Variants in ALG1L2 observed in about 807,000 individuals in gnomAD.
The protein encoded by ALG1L2 is ALG1 chitobiosyldiphosphodolichol beta-mannosyltransferase like 2.
In ALG1L2, 32 loss-of-function variants were observed where a neutral mutation model predicts 29.0. The observed-to-expected ratio is 1.10, with a 90% confidence interval of 0.83 to 1.48. ALG1L2 has a LOEUF of 1.48. Ranked by LOEUF, ALG1L2 falls within the 40% of genes most tolerant of loss-of-function variation. The probability of loss-of-function intolerance (pLI) is 0.00; values close to 1 mark genes in which losing one functional copy is unlikely to be tolerated. For synonymous variants in ALG1L2, 110 were observed against 109.5 expected, an observed-to-expected ratio of 1.00 and a Z score of -0.03; for missense variants, 318 against 274.1, an observed-to-expected ratio of 1.16 and a Z score of -1.13.
chr3:130,085,817 T>G (rs1476773189), intron 1 of ALG1L2, among the ~76,000 whole-genome samples: 1 of 148,872 alleles, frequency 6.7e-6, no homozygotes, highest in Non-Finnish European at 1.5e-5. Context: ...AACCTGAGGG[T>G]GGGGAACCTA....
intron 1 of ALG1L2, among the ~76,000 whole-genome samples, chr3:130,084,738 G>A (rs78823098): frequency 0.038 from 4,859 of 126,668 alleles, 858 homozygotes; most frequent in African/African-American, 0.12. Flanking sequence ...TCAGGGCCAG[G>A]CTCCCTCTGA....
At chr3:130,084,397 G>A (rs565469839) in intron 1 of ALG1L2, among the ~76,000 whole-genome samples, 28 of 148,832 alleles carry the variant, frequency 1.9e-4, no homozygotes, top group African/African-American at 6.8e-4. Flanking sequence ...GAGGAAAGGG[G>A]AGAGGGAAGG....
At chr3:130,087,772 T>G (rs189326734) in intron 1 of ALG1L2, among the ~76,000 whole-genome samples, 3 of 90,990 alleles carry the variant, frequency 3.3e-5, no homozygotes, top group Admixed American at 3.2e-4. Flanking sequence ...AATAATTAAA[T>G]GAATGAAAAA....
In ALG1L2 at chr3:130,097,096, G is replaced by C. The variant is rs1344619781; in HGVS notation, c.540-79G>C. On this transcript the variant is annotated intron_variant, in intron 6 of 7. Transcript: ENST00000425059. ...CCCAGCCTGGCTTGAGCGTGGGGTG[G>C]GTGGGAGCCCAGCTGGGCACCCCAG... is the stretch of plus-strand genomic sequence containing the variant. 5.7e-6 allele frequency: 9 copies of C among 1,579,994 alleles called. No homozygotes were observed. In the Middle Eastern group the frequency reaches 9.2e-4, roughly 161 times the overall value.
intron 7 of ALG1L2, 68 bp downstream of exon 7, chr3:130,097,318 G>C: frequency 6.3e-7 from 1 of 1,582,128 alleles, no homozygotes; most frequent in Non-Finnish European, 8.5e-7. Flanking sequence ...CATGCTCCCT[G>C]ATCCCTGTTT....
intron 1 of ALG1L2, among the ~76,000 whole-genome samples, chr3:130,087,596 A>G (rs1472187343): frequency 1.4e-5 from 2 of 140,272 alleles, no homozygotes; most frequent in South Asian, 2.3e-4. Context: ...AATACACAGG[A>G]ATATTTAGGG....
intron 7 of ALG1L2, 89 bp downstream of exon 7, chr3:130,097,339 G>C: frequency 6.5e-7 from 1 of 1,546,738 alleles, no homozygotes; most frequent in Non-Finnish European, 8.7e-7. Flanking sequence ...CACACAGCCA[G>C]GGTGGGACCA....
At chr3:130,092,965 G>A in intron 3 of ALG1L2, 136 bp from the exon 4 acceptor site, 3 of 852,956 alleles carry the variant, frequency 3.5e-6, no homozygotes, top group Non-Finnish European at 5.3e-6. Context: ...GGGAGGCAGA[G>A]GTTGCAGTGA....
chr3:130,097,799 GT>G (rs1409168933), intron 7 of ALG1L2, among the ~76,000 whole-genome samples: 1 of 152,216 alleles, frequency 6.6e-6, no homozygotes, highest in African/African-American at 2.4e-5. Context: ...GTGTGGCTTT[GT>G]TCCAATAAAG....
At chr3:130,092,857 C>T (rs1935047184) in intron 3 of ALG1L2, among the ~76,000 whole-genome samples, 1 of 152,068 alleles carries the variant, frequency 6.6e-6, no homozygotes, top group African/African-American at 2.4e-5. Context: ...ATGGCGAAAC[C>T]TGTCTCTACT....
chr3:130,086,497 T>C (rs1267903770), intron 1 of ALG1L2, among the ~76,000 whole-genome samples: 1 of 150,256 alleles, frequency 6.7e-6, no homozygotes, highest in African/African-American at 2.5e-5. Context: ...TGAGACCTCG[T>C]CTCTACAACA....
chr3:130,090,664 G>C (rs570944194), intron 1 of ALG1L2: 7 of 127,660 alleles, frequency 5.5e-5, no homozygotes, highest in African/African-American at 2.0e-4. Flanking sequence ...TAAAGCTCTC[G>C]ATTAATATAC....
At chr3:130,084,976 T>A (rs71619949) in intron 1 of ALG1L2, among the ~76,000 whole-genome samples, 809 of 74,784 alleles carry the variant, frequency 0.011, 9 homozygotes, top group East Asian at 0.029. Context: ...TTATTTATTT[T>A]GAGACAGAAT....
chr3:130,087,970 A>G (rs1934927160), intron 1 of ALG1L2, among the ~76,000 whole-genome samples: 1 of 152,426 alleles, frequency 6.6e-6, no homozygotes, highest in East Asian at 1.9e-4. Flanking sequence ...AATAATAAGC[A>G]GCCAGCTTAG....
chr3:130,094,489 G>A lies in ALG1L2; in HGVS notation c.400G>A (p.Gly134Ser). 3.1e-6 allele frequency: 5 copies of A among 1,596,138 alleles called. No homozygotes were observed. The highest frequency in any genetic ancestry group is 4.2e-6 in the Non-Finnish European group (5 of 1,179,548). The change falls in exon 5 of 8, where the codon GGC becomes AGC. Residue 134 changes from glycine (G) to serine (S), a missense_variant. Coordinates refer to ENST00000425059, the MANE Select transcript of ALG1L2 (RefSeq NM_001136152.1). ...HIQVCIPWLEGRGLPPLLGSV... is the reference protein window; with the variant it reads ...HIQVCIPWLESRGLPPLLGSV... The stretch of plus-strand genomic sequence containing the variant: ...CCAGGTCTGCATCCCCTGGCTGGAG[G>A]GCCGAGGACTACCCCCGCTTCTAGG...
At chr3:130,091,562 C>T (rs544145475) in intron 2 of ALG1L2, among the ~76,000 whole-genome samples, 191 bp downstream of exon 2, 4 of 152,222 alleles carry the variant, frequency 2.6e-5, no homozygotes, top group Admixed American at 6.5e-5. Context: ...TGTCTACAGC[C>T]GCCTTTGAGC....
intron 1 of ALG1L2, among the ~76,000 whole-genome samples, chr3:130,087,466 T>A (rs2108116582): frequency 6.9e-6 from 1 of 145,756 alleles, no homozygotes; most frequent in East Asian, 2.0e-4. Context: ...CCAATGTACA[T>A]CATTGGGTTA....
At chr3:130,094,367 A>C in intron 4 of ALG1L2, 36 bp from the exon 5 acceptor site, 1 of 1,582,276 alleles carries the variant, frequency 6.3e-7, no homozygotes, top group Non-Finnish European at 8.6e-7. Context: ...AGGGACAGAG[A>C]CGGGTTCATG....
At position 130,093,195 on chromosome 3, in the gene ALG1L2, G is replaced by T. The variant is rs751013798; in HGVS notation, c.313+35G>T. On this transcript the variant is annotated intron_variant, in intron 4 of 7. Transcript: ENST00000425059. ...GGGACCCTGGGTGTCTGTTTGGTTG[G>T]GGGATGGTGGAGGGGGAGGGGCACA... The T allele has an allele frequency of 6.9e-5, 111 of 1,604,462 alleles. No homozygotes were observed. The East Asian group carries it at 2.5e-3, about 35-fold the overall frequency.
Sources: gnomAD v4.1 joint callset for allele counts (sites outside exome capture counted in the v4.1 genomes callset) on GRCh38, gnomAD v4.1.1 for gene constraint, MANE v1.5 for transcripts, NCBI Gene and HGNC (gene_info 2026-07-23, HGNC 2026-07-21) for gene names.